Variants in NDC80 observed in about 807,000 individuals in gnomAD.
NDC80 encodes the protein kinetochore protein NDC80 homolog.
A neutral mutation model predicts 89.3 loss-of-function variants in NDC80; 69 were observed. The ratio of observed to expected loss-of-function variants is 0.77; its 90% CI spans 0.64 to 0.94. The LOEUF is 0.94. Among genes scored for constraint, NDC80 ranks in the 40% least tolerant of loss-of-function variants. NDC80 has a pLI of 0.00. For missense variants in NDC80, 593 were observed against 739.6 expected (o/e 0.80, Z 2.30); for synonymous variants, 243 against 255.6 (o/e 0.95, Z 0.47).
At chr18:2,583,682 A>G in intron 6 of NDC80, among the ~76,000 whole-genome samples, 1 of 142,340 alleles carries the variant, frequency 7.0e-6, no homozygotes. Flanking sequence ...TGGGCGACAG[A>G]GGGAGACTCC....
At position 2,599,606 on chromosome 18, in the gene NDC80, G is replaced by A. The variant is rs567058791; in HGVS notation, c.1374+435G>A. Among the ~76,000 whole-genome samples the A allele has an allele frequency of 1.2e-4, 19 of 152,172 alleles. No homozygotes were observed. The South Asian group carries it at 3.9e-3, about 32-fold the overall frequency. The stretch of plus-strand genomic sequence containing the variant: ...TGTAGAAAGAATTCCAGGCACAAGG[G>A]CACACATGAAGGCATAAAATGTATT... On this transcript the variant is annotated intron_variant, in intron 12 of 16. Transcript: ENST00000261597.
intron 3 of NDC80, 69 bp from the exon 4 acceptor site, chr18:2,577,677 C>G (rs910949907): frequency 1.9e-6 from 3 of 1,560,390 alleles, no homozygotes; most frequent in African/African-American, 2.7e-5. Context: ...GCAAAACTGC[C>G]TTGAAATAAT....
intron 5 of NDC80, 148 bp downstream of exon 5, chr18:2,578,289 A>T: frequency 2.8e-6 from 2 of 720,292 alleles, no homozygotes; most frequent in South Asian, 5.1e-5. Context: ...TTGAAGAGAA[A>T]AAAAGCAACT....
At chr18:2,610,737 A>G in intron 15 of NDC80, 22 bp from the exon 16 acceptor site, 1 of 1,519,746 alleles carries the variant, frequency 6.6e-7, no homozygotes, top group Non-Finnish European at 9.0e-7. Context: ...GGACAACTTA[A>G]ACAAGAGTTT....
chr18:2,616,158 G>T (rs2143681226), intron 16 of NDC80, among the ~76,000 whole-genome samples: 1 of 152,038 alleles, frequency 6.6e-6, no homozygotes, highest in East Asian at 1.9e-4. Flanking sequence ...TTGCATAGTT[G>T]GAATTACAGG....
At chr18:2,609,001 C>G (rs1404668117) in intron 15 of NDC80, among the ~76,000 whole-genome samples, 171 bp downstream of exon 15, 1 of 152,002 alleles carries the variant, frequency 6.6e-6, no homozygotes, top group Non-Finnish European at 1.5e-5. Context: ...AGAACTTTCC[C>G]TATCAACAGA....
intron 6 of NDC80, among the ~76,000 whole-genome samples, chr18:2,580,590 G>A (rs981388226): frequency 2.6e-5 from 4 of 151,994 alleles, no homozygotes; most frequent in African/African-American, 9.7e-5. Flanking sequence ...ATTGTCAAGA[G>A]AGTAGAATTC....
At chr18:2,590,313 C>G in intron 10 of NDC80, 151 bp downstream of exon 10, 1 of 747,808 alleles carries the variant, frequency 1.3e-6, no homozygotes. Flanking sequence ...TATTTGTTTC[C>G]TAAGGCTGCT....
chr18:2,593,013 GGTGT>G (rs56851912), intron 10 of NDC80, among the ~76,000 whole-genome samples: 14,669 of 107,824 alleles, frequency 0.14, 1,155 homozygotes, highest in Non-Finnish European at 0.17. Flanking sequence ...AATAAACTCT[GGTGT>G]GTGTGTGTGT....
intron 15 of NDC80, among the ~76,000 whole-genome samples, 174 bp from the exon 16 acceptor site, chr18:2,610,585 T>C (rs1206535101): frequency 6.6e-6 from 1 of 152,228 alleles, no homozygotes; most frequent in Non-Finnish European, 1.5e-5. Context: ...AAAATGTTTA[T>C]ATTTCTCTTT....
chr18:2,583,777 C>A (rs2072590353), intron 6 of NDC80, among the ~76,000 whole-genome samples: 1 of 151,806 alleles, frequency 6.6e-6, no homozygotes, highest in Non-Finnish European at 1.5e-5. Flanking sequence ...TGTTAGAGCT[C>A]TTCTGCATCC....
chr18:2,579,583 A>G (rs1213302180), intron 6 of NDC80, among the ~76,000 whole-genome samples: 1 of 152,080 alleles, frequency 6.6e-6, no homozygotes, highest in Non-Finnish European at 1.5e-5. Flanking sequence ...ATGCACCACC[A>G]TGCCTGGCTA....
At chr18:2,611,874 C>A (rs1201839233) in intron 16 of NDC80, among the ~76,000 whole-genome samples, 3 of 151,894 alleles carry the variant, frequency 2.0e-5, no homozygotes, top group African/African-American at 7.3e-5. Context: ...CTGCTGCTTT[C>A]TTGGTGCCAA....
intron 15 of NDC80, 67 bp from the exon 16 acceptor site, chr18:2,610,692 G>T: frequency 1.0e-6 from 1 of 982,550 alleles, no homozygotes; most frequent in Non-Finnish European, 1.5e-6. Flanking sequence ...AATGGGAAGT[G>T]AGCTAACTAG....
At chr18:2,596,739 C>T (rs953252832) in intron 11 of NDC80, among the ~76,000 whole-genome samples, 16 of 152,094 alleles carry the variant, frequency 1.1e-4, no homozygotes, top group African/African-American at 2.4e-4. Flanking sequence ...ATGTTTATTG[C>T]GGCACTATTC....
chr18:2,582,689 A>G (rs1310291614), intron 6 of NDC80: 2 of 152,218 alleles, frequency 1.3e-5, no homozygotes, highest in African/African-American at 2.4e-5. Context: ...AGGTTATCCT[A>G]TGCTTTTGCA....
intron 10 of NDC80, chr18:2,594,483 GA>G: frequency 6.1e-6 from 1 of 162,806 alleles, no homozygotes. Flanking sequence ...AGAAACCTTA[GA>G]AAAAAACCCA....
At chr18:2,603,911 G>A (rs1254921909) in intron 13 of NDC80, among the ~76,000 whole-genome samples, 1 of 152,068 alleles carries the variant, frequency 6.6e-6, no homozygotes, top group African/African-American at 2.4e-5. Context: ...TTATCATAGA[G>A]CATAAAGAGA....
At chr18:2,585,280 C>T (rs1042264426) in intron 7 of NDC80, 78 bp downstream of exon 7, 24 of 1,103,670 alleles carry the variant, frequency 2.2e-5, no homozygotes, top group Non-Finnish European at 2.7e-5. Flanking sequence ...ATACAGATGC[C>T]CCTCGACTTA....
Sources: allele counts gnomAD v4.1 joint callset (sites outside exome capture counted in the v4.1 genomes callset), GRCh38; gene constraint gnomAD v4.1.1; transcripts MANE v1.5; gene names NCBI Gene and HGNC (gene_info 2026-07-23, HGNC 2026-07-21).